UBE2K: variants seen among roughly 807,000 people sequenced by gnomAD.
The protein encoded by UBE2K is ubiquitin conjugating enzyme E2 K, also known as ubiquitin-conjugating enzyme E2 K.
UBE2K carries 6 observed loss-of-function variants against 30.0 expected under a neutral mutation model. That is an observed-to-expected ratio of 0.20 (90% CI 0.11 to 0.39). The LOEUF (loss-of-function observed/expected upper bound fraction) is 0.39. Ranked by LOEUF, UBE2K falls within the 10% of genes least tolerant of loss-of-function variation. The pLI is 1.00. For missense variants in UBE2K, 61 were observed against 241.6 expected, an observed-to-expected ratio of 0.25 and a Z score of 4.96; for synonymous variants, 86 against 83.7, an observed-to-expected ratio of 1.03 and a Z score of -0.15.
At chr4:39,734,984 T>A (rs28695490) in intron 1 of UBE2K, among the ~76,000 whole-genome samples, 3,807 of 152,286 alleles carry the variant, frequency 0.025, 151 homozygotes, top group African/African-American at 0.086. Flanking sequence ...TAGTATCCTA[T>A]CATCTTTGGG....
intron 4 of UBE2K, among the ~76,000 whole-genome samples, chr4:39,768,447 C>CAA (rs35005914): frequency 0.084 from 7,400 of 87,992 alleles, 553 homozygotes; most frequent in African/African-American, 0.2. Context: ...ACTTCGTTTC[C>CAA]AAAAAAAAAA....
At chr4:39,724,828 G>A (rs1719649635) in intron 1 of UBE2K, among the ~76,000 whole-genome samples, 1 of 151,650 alleles carries the variant, frequency 6.6e-6, no homozygotes, top group Non-Finnish European at 1.5e-5. Context: ...AGATACATAA[G>A]CCTTTAGTGT....
chr4:39,746,866 G>C (rs1329603159), intron 3 of UBE2K, among the ~76,000 whole-genome samples: 1 of 152,104 alleles, frequency 6.6e-6, no homozygotes, highest in Non-Finnish European at 1.5e-5. Flanking sequence ...AATTTATATA[G>C]TGGCAACACA....
At chr4:39,700,673 C>T (rs1297822512) in intron 1 of UBE2K, among the ~76,000 whole-genome samples, 1 of 152,126 alleles carries the variant, frequency 6.6e-6, no homozygotes, top group African/African-American at 2.4e-5. Context: ...ATAAATGTTT[C>T]ATCATGTCAC....
At chr4:39,719,356 A>G (rs1014558724) in intron 1 of UBE2K, among the ~76,000 whole-genome samples, 4 of 152,190 alleles carry the variant, frequency 2.6e-5, no homozygotes, top group Non-Finnish European at 4.4e-5. Context: ...ATAATTGTAC[A>G]TATGTCCTTC....
intron 2 of UBE2K, among the ~76,000 whole-genome samples, chr4:39,745,009 AT>A (rs1720915913): frequency 4.0e-5 from 6 of 151,820 alleles, no homozygotes; most frequent in African/African-American, 1.2e-4. Flanking sequence ...TGCTTAAAAA[AT>A]AAAAAATATA....
chr4:39,715,282 C>A (rs1386366224), intron 1 of UBE2K, among the ~76,000 whole-genome samples: 2 of 151,892 alleles, frequency 1.3e-5, no homozygotes, highest in African/African-American at 4.8e-5. Context: ...CCTGCCTCGG[C>A]CTCCCAAAGT....
At chr4:39,728,809 GT>G (rs1364708681) in intron 1 of UBE2K, among the ~76,000 whole-genome samples, 6 of 123,740 alleles carry the variant, frequency 4.8e-5, no homozygotes, top group Non-Finnish European at 3.7e-5. Flanking sequence ...CGGCTAGTAG[GT>G]TTTTTTTGTT....
At chr4:39,707,798 G>C (rs988589903) in intron 1 of UBE2K, among the ~76,000 whole-genome samples, 1 of 152,012 alleles carries the variant, frequency 6.6e-6, no homozygotes, top group African/African-American at 2.4e-5. Context: ...GGGATTATAG[G>C]CATGAGCCAC....
At chr4:39,698,558 CCCTCCCAGAGCGCTAGGATGGA>C (rs1578405175) in intron 1 of UBE2K, among the ~76,000 whole-genome samples, 168 bp downstream of exon 1, 1 of 152,244 alleles carries the variant, frequency 6.6e-6, no homozygotes, top group East Asian at 1.9e-4. Flanking sequence ...CCTTCCCCTC[CCCTCCCAGAGCGCTAGGATGGA>C]CGGTCTCGCG....
intron 1 of UBE2K, among the ~76,000 whole-genome samples, chr4:39,719,672 T>C (rs1204007753): frequency 6.6e-6 from 1 of 152,214 alleles, no homozygotes; most frequent in Non-Finnish European, 1.5e-5. Context: ...GGTTTCTTTG[T>C]TTCAAGTGAA....
chr4:39,729,183 C>G (rs369626593), intron 1 of UBE2K, among the ~76,000 whole-genome samples: 1 of 151,894 alleles, frequency 6.6e-6, no homozygotes, highest in Non-Finnish European at 1.5e-5. Flanking sequence ...GTTGGCCAGG[C>G]TAGTCTCGAA....
rs71194907 is a variant in UBE2K at position 39,716,997 on chromosome 4, C to CAAAAAAAAA, written c.63+18620_63+18628dup. ...TGGGTGGCAGGGTGAGACTCCATCT[C>CAAAAAAAAA]AAAAAAAAAAAAAAAAAAAAAGCCT... On this transcript the variant is annotated intron_variant, in intron 1 of 6. Coordinates refer to ENST00000261427, the MANE Select transcript of UBE2K (RefSeq NM_005339.5). Among the ~76,000 whole-genome samples, 2 of 35,074 alleles carry CAAAAAAAAA rather than the reference C, an allele frequency of 5.7e-5. 1 individual carries two copies. The highest frequency in any genetic ancestry group is 2.0e-4 in the African/African-American group (2 of 9,898). 23.0% of individuals were successfully genotyped at this position (35,074 alleles called of 152,430 possible).
chr4:39,710,465 C>G (rs1718606228), intron 1 of UBE2K, among the ~76,000 whole-genome samples: 1 of 151,784 alleles, frequency 6.6e-6, no homozygotes, highest in Non-Finnish European at 1.5e-5. Context: ...TTGAGGTTCT[C>G]ACTATATTGC....
chr4:39,712,783 T>C (rs1216592551), intron 1 of UBE2K, among the ~76,000 whole-genome samples: 4 of 152,112 alleles, frequency 2.6e-5, no homozygotes, highest in Non-Finnish European at 4.4e-5. Flanking sequence ...TATTCTAATT[T>C]TTACTTCCCT....
chr4:39,732,878 A>G (rs1228226494), intron 1 of UBE2K, among the ~76,000 whole-genome samples: 2 of 151,690 alleles, frequency 1.3e-5, no homozygotes, highest in East Asian at 3.9e-4. Context: ...GTTTTGCCAT[A>G]TGGGCCAGGC....
chr4:39,774,725 G>C, intron 4 of UBE2K, 109 bp from the exon 5 acceptor site: 1 of 468,870 alleles, frequency 2.1e-6, no homozygotes, highest in Admixed American at 4.1e-5. Context: ...TTAAGATAAA[G>C]ATCTAAGTAA....
At chr4:39,764,643 C>G (rs1269920349) in intron 4 of UBE2K, among the ~76,000 whole-genome samples, 1 of 151,988 alleles carries the variant, frequency 6.6e-6, no homozygotes, top group African/African-American at 2.4e-5. Flanking sequence ...TGCCATGTTG[C>G]CCATGCTGGC....
At chr4:39,715,594 C>T (rs546507657) in intron 1 of UBE2K, among the ~76,000 whole-genome samples, 46 of 152,190 alleles carry the variant, frequency 3.0e-4, no homozygotes, top group African/African-American at 1.1e-3. Context: ...ACAGGTGTCA[C>T]CCACCGTGCC....
Sources: gnomAD v4.1 joint callset for allele counts (sites outside exome capture counted in the v4.1 genomes callset) on GRCh38, gnomAD v4.1.1 for gene constraint, MANE v1.5 for transcripts, NCBI Gene and HGNC (gene_info 2026-07-23, HGNC 2026-07-21) for gene names.